The following CASK variants were observed in gnomAD, a reference collection of about 807,000 sequenced individuals.
CASK encodes peripheral plasma membrane protein CASK.
Under a neutral mutation model 82.9 loss-of-function variants are expected in CASK, and 4 were observed. The ratio of observed to expected loss-of-function variants is 0.05; its 90% CI spans 0.02 to 0.11. CASK has a LOEUF of 0.11. CASK is among the 10% of genes least tolerant of loss of function. The pLI is 1.00. For synonymous variants in CASK, 259 were observed against 253.5 expected, an observed-to-expected ratio of 1.02 and a Z score of -0.20; for missense variants, 358 against 720.9, an observed-to-expected ratio of 0.50 and a Z score of 5.76.
At chrX:41,681,941 C>T (rs2067362503) in intron 5 of CASK, among the ~76,000 whole-genome samples, 1 of 103,651 alleles carries the variant, frequency 9.6e-6, no homozygotes, top group African/African-American at 3.5e-5. Flanking sequence ...AGCGAGACTC[C>T]ATCTTAAAAA....
chrX:41,664,495 G>T (rs1366328664), intron 7 of CASK, among the ~76,000 whole-genome samples: 5 of 111,037 alleles, frequency 4.5e-5, no homozygotes, highest in Admixed American at 3.8e-4. Context: ...AGAGGAAAAA[G>T]AATTTCCCCA....
intron 23 of CASK, 41 bp downstream of exon 23, chrX:41,534,852 G>T (rs2064854074): frequency 8.7e-7 from 1 of 1,148,442 alleles, no homozygotes; most frequent in Admixed American, 2.2e-5. Context: ...AAAATGTTTT[G>T]AAAGTGAGAA....
At chrX:41,592,016 T>C (rs1217417620) in intron 12 of CASK, among the ~76,000 whole-genome samples, 1 of 110,261 alleles carries the variant, frequency 9.1e-6, no homozygotes, top group African/African-American at 3.3e-5. Context: ...TTTGGGACGC[T>C]GAGGCAGGCA....
chrX:41,517,945 G>A lies in CASK; in HGVS notation c.*2475C>T, dbSNP rs2064583512. 1 of 426,798 alleles carries A rather than the reference G, an allele frequency of 2.3e-6. No individual in the cohort carries two copies. Among genetic ancestry groups the A allele is most frequent in the East Asian group, 4.1e-5 (1 of 24,559 alleles). 35.2% of individuals were successfully genotyped at this position (426,798 alleles called of 1,213,427 possible). On this transcript the variant is annotated 3_prime_UTR_variant, in exon 27 of 27. Transcript: ENST00000378163. ...GGTAACATCTTTGAGAAGTCAATGAGTTCTGCATGCAGGGATTTCACCATC... is the reference window on the plus strand; with the variant it reads ...GGTAACATCTTTGAGAAGTCAATGAATTCTGCATGCAGGGATTTCACCATC...
At chrX:41,774,151 G>A (rs966610497) in intron 3 of CASK, among the ~76,000 whole-genome samples, 86 of 111,053 alleles carry the variant, frequency 7.7e-4, no homozygotes, top group African/African-American at 2.7e-3. Context: ...AAGTCAAATT[G>A]TCCCTGTTTG....
chrX:41,769,190 TTC>T (rs1288056297), intron 3 of CASK, among the ~76,000 whole-genome samples: 1 of 107,515 alleles, frequency 9.3e-6, no homozygotes, highest in Non-Finnish European at 1.9e-5. Context: ...TCTTTTCTTT[TTC>T]TTTTTCTTTT....
rs780590060 is a variant in CASK at position 41,559,865 on chromosome X, G to A, written c.1669-18C>T. ...ATTTCCCTCTGGAGGGGGGGTGGTG[G>A]GAAAGAAAGAAAAGTTTTCTTACAA... On this transcript the variant is annotated intron_variant, in intron 17 of 26. Coordinates refer to ENST00000378163, the MANE Select transcript of CASK (RefSeq NM_001367721.1). 5.9e-6 allele frequency: 7 copies of A among 1,186,594 alleles called. No homozygotes were observed. Among genetic ancestry groups the A allele is most frequent in the Non-Finnish European group, 8.0e-6 (7 of 875,161 alleles).
intron 8 of CASK, among the ~76,000 whole-genome samples, chrX:41,638,671 A>C (rs1384571508): frequency 9.0e-6 from 1 of 111,340 alleles, no homozygotes. Context: ...TGGAGGGAGT[A>C]TGTTTGGAAT....
intron 3 of CASK, among the ~76,000 whole-genome samples, chrX:41,748,848 G>A (rs2068739489): frequency 1.8e-5 from 2 of 111,884 alleles, no homozygotes; most frequent in Admixed American, 1.9e-4. Context: ...TATCAGCAAG[G>A]ATCAATCCAT....
intron 5 of CASK, chrX:41,695,655 A>G: frequency 8.3e-7 from 1 of 1,200,550 alleles, no homozygotes; most frequent in Non-Finnish European, 1.1e-6. Flanking sequence ...TACCATAACA[A>G]TGACGACAAC....
chrX:41,775,453 C>A (rs1449592295), intron 3 of CASK, among the ~76,000 whole-genome samples: 1 of 105,929 alleles, frequency 9.4e-6, no homozygotes, highest in East Asian at 2.9e-4. Context: ...TAAACTAGTT[C>A]AACCATTGTG....
At chrX:41,809,168 G>T (rs1204641868) in intron 2 of CASK, among the ~76,000 whole-genome samples, 2 of 112,426 alleles carry the variant, frequency 1.8e-5, no homozygotes, top group East Asian at 2.8e-4. Flanking sequence ...TGGGGGCAGG[G>T]TATAGACAAA....
At chrX:41,799,163 A>G (rs1319736461) in intron 2 of CASK, among the ~76,000 whole-genome samples, 3 of 112,795 alleles carry the variant, frequency 2.7e-5, no homozygotes, top group African/African-American at 9.7e-5. Context: ...ATTTCAATTC[A>G]GTTTTCAATC....
chrX:41,697,165 T>C (rs750250937), intron 5 of CASK: 1 of 132,742 alleles, frequency 7.5e-6, no homozygotes, highest in African/African-American at 3.2e-5. Context: ...TCAGAAAATA[T>C]ATGTTCATTT....
chrX:41,555,358 T>C (rs1383562799), intron 20 of CASK, among the ~76,000 whole-genome samples: 1 of 111,869 alleles, frequency 8.9e-6, no homozygotes, highest in Admixed American at 9.5e-5. Context: ...GGCTGAATTC[T>C]TAACCATTAA....
intron 16 of CASK, 80 bp from the exon 17 acceptor site, chrX:41,561,724 T>G (rs2065230839): frequency 8.0e-6 from 6 of 750,353 alleles, no homozygotes; most frequent in Non-Finnish European, 1.2e-5. Context: ...CAATGTAATT[T>G]TTAAAAACTA....
Position 41,892,053 on chromosome X carries a change from T to C in CASK, c.59+30877A>G, listed in dbSNP as rs1601946795. On this transcript the variant is annotated intron_variant, in intron 1 of 26. Coordinates refer to ENST00000378163, the MANE Select transcript of CASK (RefSeq NM_001367721.1). ...ACAAACAAACAAAAAATTAGCTGGGTCTGCTGGCACATACCTGTAGTCCCA... is the reference window on the plus strand; with the variant it reads ...ACAAACAAACAAAAAATTAGCTGGGCCTGCTGGCACATACCTGTAGTCCCA... Among the ~76,000 whole-genome samples the C allele has an allele frequency of 3.7e-5, 4 of 109,369 alleles. No homozygotes were observed. The South Asian group carries it at 1.6e-3, about 43-fold the overall frequency. The allele number at this position is 109,369 out of a possible 115,157, so 95.0% of individuals were successfully genotyped here. A position where few individuals can be genotyped will look rare whatever the true frequency, so the allele number is the denominator to read the frequency against.
At chrX:41,575,804 C>T (rs2065476637) in intron 15 of CASK, among the ~76,000 whole-genome samples, 1 of 110,546 alleles carries the variant, frequency 9.0e-6, no homozygotes, top group Non-Finnish European at 1.9e-5. Flanking sequence ...TTCATGGAAA[C>T]CCATCAAAAG....
intron 8 of CASK, among the ~76,000 whole-genome samples, chrX:41,644,570 A>G (rs1227094734): frequency 6.2e-5 from 7 of 112,165 alleles, no homozygotes; most frequent in Non-Finnish European, 9.4e-5. Context: ...TAGGCACCTC[A>G]AAAAAAGAAC....
Sources: allele counts gnomAD v4.1 joint callset (sites outside exome capture counted in the v4.1 genomes callset), GRCh38; gene constraint gnomAD v4.1.1; transcripts MANE v1.5; gene names NCBI Gene and HGNC (gene_info 2026-07-23, HGNC 2026-07-21).